ARSL: variants seen among roughly 807,000 people sequenced by gnomAD.
The protein encoded by ARSL is arylsulfatase E (chondrodysplasia punctata 1).
ARSL carries 4 observed loss-of-function variants against 31.1 expected under a neutral mutation model. The ratio of observed to expected loss-of-function variants is 0.13; its 90% CI spans 0.06 to 0.29. The LOEUF (loss-of-function observed/expected upper bound fraction) is 0.29, where lower values mean the gene tolerates loss of function less well. Among genes scored for constraint, ARSL ranks in the 10% least tolerant of loss-of-function variants. The pLI is 1.00. For missense variants in ARSL, 312 were observed against 497.8 expected (o/e 0.63, Z 3.55); for synonymous variants, 198 against 209.9 (o/e 0.94, Z 0.49).
At chrX:2,945,032 G>T (rs1291030217) in intron 7 of ARSL, among the ~76,000 whole-genome samples, 1 of 110,448 alleles carries the variant, frequency 9.1e-6, no homozygotes, top group African/African-American at 3.3e-5. Context: ...AGAAGAGGGG[G>T]AGGAGGAGAA....
intron 5 of ARSL, among the ~76,000 whole-genome samples, chrX:2,951,614 C>CAAAAA (rs1164575386): frequency 1.0e-4 from 3 of 28,853 alleles, no homozygotes; most frequent in African/African-American, 1.7e-4. Flanking sequence ...CCCATCTCTA[C>CAAAAA]AAAAAAAAAA....
chrX:2,953,566 A>G (rs182483746), intron 4 of ARSL, among the ~76,000 whole-genome samples: 99 of 112,120 alleles, frequency 8.8e-4, no homozygotes, highest in African/African-American at 3.1e-3. Context: ...TAATTAATTT[A>G]TTTAAAGATG....
At chrX:2,949,121 G>A (rs1196333390) in intron 6 of ARSL, among the ~76,000 whole-genome samples, 183 bp downstream of exon 6, 2 of 110,034 alleles carry the variant, frequency 1.8e-5, no homozygotes, top group African/African-American at 6.6e-5. Context: ...AGTAGAGACG[G>A]GGTTTCACCA....
At chrX:2,948,013 T>C (rs1569104980) in intron 6 of ARSL, among the ~76,000 whole-genome samples, 2 of 112,683 alleles carry the variant, frequency 1.8e-5, no homozygotes, top group Admixed American at 9.4e-5. Context: ...TCCCAGCTAC[T>C]TGGGAGGCTG....
intron 2 of ARSL, chrX:2,959,821 C>A: frequency 1.2e-6 from 1 of 829,700 alleles, no homozygotes; most frequent in Non-Finnish European, 1.6e-6. Context: ...GTTGGGAGGC[C>A]AAGGTGGGAG....
chrX:2,961,860 T>G (rs1361133778), intron 1 of ARSL, among the ~76,000 whole-genome samples: 1 of 98,698 alleles, frequency 1.0e-5, no homozygotes, highest in Non-Finnish European at 2.0e-5. Flanking sequence ...ATCCCAGGGT[T>G]TTTTTTTTTT....
At chrX:2,947,696 G>A (rs761239071) in intron 6 of ARSL, among the ~76,000 whole-genome samples, 3 of 111,640 alleles carry the variant, frequency 2.7e-5, no homozygotes, top group Non-Finnish European at 3.8e-5. Context: ...CCAGGAGTTC[G>A]AGACCAGCCT....
In ARSL at chrX:2,964,291, G is replaced by A. The variant is rs778121790; in HGVS notation, c.-88C>T. The stretch of plus-strand genomic sequence containing the variant: ...GAAGGTTCTCTCCCAAAGGAAGCAA[G>A]CGTGAAGGCAGAGAGCACTTGCACA... On this transcript the variant is annotated 5_prime_UTR_variant, in exon 1 of 11. Coordinates refer to ENST00000381134, the MANE Select transcript of ARSL (RefSeq NM_000047.3). 4.0e-6 allele frequency: 3 copies of A among 752,230 alleles called. No individual in the cohort carries two copies. The East Asian group carries it at 4.6e-4, about 115-fold the overall frequency. 62.0% of individuals were successfully genotyped at this position (752,230 alleles called of 1,213,427 possible). A position where few individuals can be genotyped will look rare whatever the true frequency, so the allele number is the denominator to read the frequency against.
chrX:2,957,217 T>G (rs2089537514), intron 3 of ARSL, among the ~76,000 whole-genome samples: 1 of 94,624 alleles, frequency 1.1e-5, no homozygotes, highest in African/African-American at 5.2e-5. Flanking sequence ...CGAGACTCCG[T>G]CTCAAAAAAA....
At chrX:2,944,254 G>C (rs981658358) in intron 7 of ARSL, among the ~76,000 whole-genome samples, 3 of 109,162 alleles carry the variant, frequency 2.7e-5, no homozygotes, top group Non-Finnish European at 3.8e-5. Context: ...AGCAGTTCGA[G>C]ACCAGCCTGG....
intron 1 of ARSL, among the ~76,000 whole-genome samples, chrX:2,961,856 G>C (rs1222467290): frequency 9.7e-6 from 1 of 103,359 alleles, no homozygotes; most frequent in East Asian, 2.9e-4. Context: ...AGGGATCCCA[G>C]GGTTTTTTTT....
chrX:2,952,181 A>G (rs1040900938), intron 5 of ARSL, among the ~76,000 whole-genome samples: 1 of 111,491 alleles, frequency 9.0e-6, no homozygotes, highest in Non-Finnish European at 1.9e-5. Flanking sequence ...TCTAGTAAAG[A>G]CATTTTCATA....
intron 6 of ARSL, among the ~76,000 whole-genome samples, chrX:2,948,583 T>C (rs779763823): frequency 1.8e-5 from 2 of 111,255 alleles, no homozygotes; most frequent in South Asian, 7.6e-4. Context: ...CTCAACCTCC[T>C]GGGCTCAAGT....
chrX:2,958,497 T>C, intron 2 of ARSL, 62 bp from the exon 3 acceptor site: 1 of 1,133,707 alleles, frequency 8.8e-7, no homozygotes, highest in Non-Finnish European at 1.2e-6. Flanking sequence ...ATGGGGGAAG[T>C]TGGCATCACT....
intron 8 of ARSL, among the ~76,000 whole-genome samples, chrX:2,942,160 C>G (rs769261381): frequency 2.7e-4 from 30 of 112,069 alleles, no homozygotes; most frequent in African/African-American, 9.4e-4. Context: ...TTAGCAGGAC[C>G]CTTTTAGGAT....
chrX:2,944,218 G>A (rs1378011561), intron 7 of ARSL, among the ~76,000 whole-genome samples: 2 of 108,841 alleles, frequency 1.8e-5, no homozygotes, highest in Admixed American at 9.9e-5. Context: ...CACTTTGGGA[G>A]GCTGAGGCGG....
chrX:2,959,583 T>C, intron 2 of ARSL: 2 of 1,139,198 alleles, frequency 1.8e-6, no homozygotes, highest in Non-Finnish European at 2.3e-6. Context: ...ACCTGGCCGA[T>C]GGTAGCGGTT....
At chrX:2,944,464 C>A (rs4892909) in intron 7 of ARSL, among the ~76,000 whole-genome samples, 171 of 45,258 alleles carry the variant, frequency 3.8e-3, no homozygotes, top group African/African-American at 8.4e-3. Context: ...AAAAAAAAAA[C>A]AAAAAAAACA....
chrX:2,959,368 G>A (rs2089570040), intron 2 of ARSL, among the ~76,000 whole-genome samples: 1 of 111,845 alleles, frequency 8.9e-6, no homozygotes, highest in Non-Finnish European at 1.9e-5. Flanking sequence ...TGGTAGTTGC[G>A]TACCATGAGG....
Sources: gnomAD v4.1 joint callset for allele counts (sites outside exome capture counted in the v4.1 genomes callset) on GRCh38, gnomAD v4.1.1 for gene constraint, MANE v1.5 for transcripts, NCBI Gene and HGNC (gene_info 2026-07-23, HGNC 2026-07-21) for gene names.